The following SLC5A12 variants were observed in gnomAD, a reference collection of about 807,000 sequenced individuals.
SLC5A12 encodes the protein solute carrier family 5 member 12.
SLC5A12 carries 46 observed loss-of-function variants against 72.7 expected under a neutral mutation model. The ratio of observed to expected loss-of-function variants is 0.63; its 90% CI spans 0.50 to 0.81. SLC5A12 has a LOEUF of 0.81. Ranked by LOEUF, SLC5A12 falls within the 30% of genes least tolerant of loss-of-function variation. SLC5A12 has a pLI of 0.00. For missense variants in SLC5A12, 683 were observed against 740.7 expected (o/e 0.92, Z 0.90); for synonymous variants, 275 against 264.4 (o/e 1.04, Z -0.39).
chr11:26,676,274 G>T lies in SLC5A12; in HGVS notation c.1579+2438C>A, dbSNP rs112496975. 2.3e-3 allele frequency among the ~76,000 whole-genome samples: 345 copies of T among 150,724 alleles called. 6 individuals carry two copies. The highest frequency in any genetic ancestry group is 8.0e-3 in the African/African-American group (330 of 41,128). On this transcript the variant is annotated intron_variant, in intron 13 of 14. Transcript: ENST00000396005. The stretch of plus-strand genomic sequence containing the variant: ...AGGCATTGCTAACCAGAGGATCTTT[G>T]TTGCCACTACTCAACTCTGCCTTTG...
At chr11:26,698,049 C>T (rs1854866471) in intron 7 of SLC5A12, among the ~76,000 whole-genome samples, 1 of 152,006 alleles carries the variant, frequency 6.6e-6, no homozygotes, top group Admixed American at 6.6e-5. Context: ...AGGTGCCCGC[C>T]ACCTTGCCTG....
chr11:26,676,179 T>C (rs1475842027), intron 13 of SLC5A12, among the ~76,000 whole-genome samples: 1 of 152,150 alleles, frequency 6.6e-6, no homozygotes, highest in Non-Finnish European at 1.5e-5. Context: ...CCAGTAAATT[T>C]CTCTGATGAG....
intron 9 of SLC5A12, among the ~76,000 whole-genome samples, chr11:26,688,559 G>C (rs1357350941): frequency 2.0e-5 from 3 of 152,128 alleles, no homozygotes; most frequent in Admixed American, 2.0e-4. Context: ...CCAAAAATGG[G>C]AATGAATATA....
At chr11:26,679,288 G>A (rs1178258216) in intron 12 of SLC5A12, among the ~76,000 whole-genome samples, 7 of 152,014 alleles carry the variant, frequency 4.6e-5, no homozygotes, top group African/African-American at 9.7e-5. Context: ...AGACCAATGC[G>A]TGAGATGATA....
chr11:26,705,925 T>TACACACACACAC (rs71047876), intron 4 of SLC5A12, among the ~76,000 whole-genome samples: 1 of 129,624 alleles, frequency 7.7e-6, no homozygotes, highest in East Asian at 2.3e-4. Flanking sequence ...TTCTCTGTCA[T>TACACACACACAC]ACACACACAC....
intron 13 of SLC5A12, among the ~76,000 whole-genome samples, chr11:26,674,838 G>GTATGTAA (rs1854229976): frequency 6.6e-6 from 1 of 152,152 alleles, no homozygotes; most frequent in Non-Finnish European, 1.5e-5. Context: ...ATTAGTCAGT[G>GTATGTAA]TATTCTACAT....
chr11:26,700,499 A>G (rs1565196116), intron 6 of SLC5A12, among the ~76,000 whole-genome samples: 1 of 146,698 alleles, frequency 6.8e-6, no homozygotes, highest in Non-Finnish European at 1.5e-5. Context: ...GCAGGTAATG[A>G]ACACTGAAAA....
chr11:26,693,993 T>A (rs1156855165), intron 8 of SLC5A12, among the ~76,000 whole-genome samples: 2 of 152,168 alleles, frequency 1.3e-5, no homozygotes, highest in Non-Finnish European at 2.9e-5. Flanking sequence ...TTTGTCTCAA[T>A]ATACTTCTTG....
At position 26,683,780 on chromosome 11, in the gene SLC5A12, C is replaced by T. The variant is rs199554975; in HGVS notation, c.1285G>A (p.Val429Met). The T allele has an allele frequency of 1.5e-4, 233 of 1,593,984 alleles. 1 individual carries two copies. The African/African-American group carries it at 1.6e-3, about 11-fold the overall frequency. The change falls in exon 11 of 15, where the codon GTG becomes ATG. Residue 429 changes from valine to methionine, a missense_variant. Coordinates refer to ENST00000396005, the MANE Select transcript of SLC5A12 (RefSeq NM_178498.4). ...PMLGLFSLGI[V>M]FPFVNWKGAL... Reference sequence around the variant, plus strand: ...ACCTTCCAATTCACAAAAGGGAACACGATTCCCAGGGAGAATAAGCCCAGC... The same window carrying T: ...ACCTTCCAATTCACAAAAGGGAACATGATTCCCAGGGAGAATAAGCCCAGC...
intron 13 of SLC5A12, among the ~76,000 whole-genome samples, chr11:26,678,090 C>T (rs1854306246): frequency 6.6e-6 from 1 of 152,108 alleles, no homozygotes; most frequent in Admixed American, 6.6e-5. Context: ...AACTCCACGA[C>T]CCTAGAGAAG....
chr11:26,711,275 T>C lies in SLC5A12; in HGVS notation c.457+32A>G, dbSNP rs745723717. On this transcript the variant is annotated intron_variant, in intron 3 of 14. Transcript: ENST00000396005. Reference sequence around the variant, plus strand: ...GGTGAGAATTCAGGCATAAAAATGGTAAAATATGCCAAGAGAATGCTGATA... The same window carrying C: ...GGTGAGAATTCAGGCATAAAAATGGCAAAATATGCCAAGAGAATGCTGATA... 1.7e-5 allele frequency: 27 copies of C among 1,592,608 alleles called. No individual in the cohort carries two copies. In the Middle Eastern group the frequency reaches 5.0e-4, roughly 29 times the overall value.
In SLC5A12 at chr11:26,673,630, A is replaced by G. The variant is rs1197180925; in HGVS notation, c.1580-101T>C. ...CTTGAAAAGTAGGTTGCTTTTTAGA[A>G]TAAGAGTGAAAACAAGATTGAGTGG... On this transcript the variant is annotated intron_variant, in intron 13 of 14. Coordinates refer to ENST00000396005, the MANE Select transcript of SLC5A12 (RefSeq NM_178498.4). The G allele has an allele frequency of 5.0e-6, 7 of 1,402,160 alleles. No individual in the cohort carries two copies. The East Asian group carries it at 7.6e-5, about 15-fold the overall frequency. 86.9% of individuals were successfully genotyped at this position (1,402,160 alleles called of 1,614,324 possible).
At chr11:26,673,641 A>G (rs1247076575) in intron 13 of SLC5A12, 112 bp from the exon 14 acceptor site, 3 of 1,355,656 alleles carry the variant, frequency 2.2e-6, no homozygotes, top group Non-Finnish European at 2.9e-6. Context: ...TAAGAGTGAA[A>G]ACAAGATTGA....
chr11:26,721,095 T>C (rs1046498081), intron 1 of SLC5A12, among the ~76,000 whole-genome samples: 1 of 152,184 alleles, frequency 6.6e-6, no homozygotes, highest in Non-Finnish European at 1.5e-5. Context: ...CCCTCTTTAT[T>C]GCAAACCTCC....
chr11:26,712,657 A>G lies in SLC5A12; in HGVS notation c.389T>C (p.Ile130Thr). The G allele has an allele frequency of 6.3e-7, 1 of 1,589,192 alleles. No homozygotes were observed. Among genetic ancestry groups the G allele is most frequent in the Non-Finnish European group, 8.6e-7 (1 of 1,161,716 alleles). The change falls in exon 2 of 15, where the codon ATC (isoleucine) becomes ACC (threonine). Residue 130 changes from isoleucine to threonine, a missense_variant. Transcript: ENST00000396005. ...NKPVRYAATVIYIVQTILYTG... is the reference protein window; with the variant it reads ...NKPVRYAATVTYIVQTILYTG... ...ACCACTTACCGTCTGTACAATGTAG[A>G]TGACCGTGGCAGCATAGCGAACTGG...
chr11:26,707,128 T>A (rs2133203240), intron 4 of SLC5A12, among the ~76,000 whole-genome samples: 1 of 152,098 alleles, frequency 6.6e-6, no homozygotes, highest in Admixed American at 6.6e-5. Context: ...GGGTCTGGAA[T>A]ACTTTTTCCT....
chr11:26,696,201 T>G (rs1297712910), intron 8 of SLC5A12, among the ~76,000 whole-genome samples: 1 of 152,212 alleles, frequency 6.6e-6, no homozygotes, highest in Non-Finnish European at 1.5e-5. Context: ...GAAAGCAAAC[T>G]CTATATAAGT....
In SLC5A12 at chr11:26,683,773, G is replaced by T; in HGVS notation, c.1292C>A (p.Pro431His). Residue 431 changes from proline (P) to histidine (H), a missense_variant, in exon 11 of 15, where the codon CCT becomes CAT. By Grantham distance (77) the Pro-to-His change is moderately conservative (BLOSUM62 -2). Coordinates refer to ENST00000396005, the MANE Select transcript of SLC5A12 (RefSeq NM_178498.4). Reference protein sequence around the residue: ...LGLFSLGIVFPFVNWKGALGG... With the variant: ...LGLFSLGIVFHFVNWKGALGG... ...GATCCTTACCTTCCAATTCACAAAAGGGAACACGATTCCCAGGGAGAATAA... is the reference window on the plus strand; with the variant it reads ...GATCCTTACCTTCCAATTCACAAAATGGAACACGATTCCCAGGGAGAATAA... 6.3e-7 allele frequency: 1 copy of T among 1,592,158 alleles called. No homozygotes were observed. The highest frequency in any genetic ancestry group is 2.3e-5 in the East Asian group (1 of 44,242).
chr11:26,681,293 G>A, intron 11 of SLC5A12, 72 bp from the exon 12 acceptor site: 1 of 913,762 alleles, frequency 1.1e-6, no homozygotes, highest in East Asian at 2.9e-5. Context: ...GAGATGAGGA[G>A]TTCTATGCCT....
Sources: gnomAD v4.1 joint callset for allele counts (sites outside exome capture counted in the v4.1 genomes callset) on GRCh38, gnomAD v4.1.1 for gene constraint, MANE v1.5 for transcripts, NCBI Gene and HGNC (gene_info 2026-07-23, HGNC 2026-07-21) for gene names.